FAT2: variants seen among roughly 807,000 people sequenced by gnomAD.
The protein encoded by FAT2 is protocadherin Fat 2.
In FAT2, 150 loss-of-function variants were observed where a neutral mutation model predicts 295.3. That is an observed-to-expected ratio of 0.51 (90% CI 0.44 to 0.58). FAT2 has a LOEUF of 0.58. Ranked by LOEUF, FAT2 falls within the 20% of genes least tolerant of loss-of-function variation. The probability of loss-of-function intolerance (pLI) is 0.00; values close to 1 mark genes in which losing one functional copy is unlikely to be tolerated. For synonymous variants in FAT2, 2,026 were observed against 2,150.3 expected (o/e 0.94, Z 1.60); for missense variants, 4,868 against 5,442.7 (o/e 0.89, Z 3.32).
chr5:151,562,840 C>T (rs138897540), intron 3 of FAT2, among the ~76,000 whole-genome samples: 58 of 152,316 alleles, frequency 3.8e-4, no homozygotes, highest in African/African-American at 1.3e-3. Context: ...GGCAGGTGCT[C>T]CTGAGATGGT....
At position 151,512,538 on chromosome 5, in the gene FAT2, C is replaced by A; in HGVS notation, c.11532G>T (p.Gln3844His). The change falls in exon 21 of 24, where the codon CAG (glutamine) becomes CAT (histidine). Residue 3844 changes from glutamine to histidine, a missense_variant. By Grantham distance (24) the Gln-to-His change is conservative (BLOSUM62 0). Coordinates refer to ENST00000261800, the MANE Select transcript of FAT2 (RefSeq NM_001447.3). The surrounding 1 kb of genome is among the most constrained non-coding windows in gnomAD (Gnocchi z 4.1). ...GCCACTCGTGGTCATTCACATGGCGCTGGGAGGAAAGGTTTCCATAGAAAC... is the reference window on the plus strand; with the variant it reads ...GCCACTCGTGGTCATTCACATGGCGATGGGAGGAAAGGTTTCCATAGAAAC... ...LGGFYGNLSS[Q>H]RHVNDHEWHS... is the part of the protein sequence containing the mutation. The A allele has an allele frequency of 6.2e-7, 1 of 1,614,186 alleles. No homozygotes were observed. Among genetic ancestry groups the A allele is most frequent in the African/African-American group, 1.3e-5 (1 of 75,032 alleles).
At chr5:151,532,225 G>C (rs57460659) in intron 13 of FAT2, among the ~76,000 whole-genome samples, 2,106 of 152,244 alleles carry the variant, frequency 0.014, 63 homozygotes, top group African/African-American at 0.048. Context: ...TATTATGTGG[G>C]GATTAGGGTC....
intron 3 of FAT2, 77 bp downstream of exon 3, chr5:151,563,248 A>G: frequency 7.4e-7 from 1 of 1,350,584 alleles, no homozygotes; most frequent in Non-Finnish European, 1.0e-6. Flanking sequence ...AGTAATGCTG[A>G]TGGTGCCGAT....
chr5:151,516,290 G>C (rs997978), intron 20 of FAT2, among the ~76,000 whole-genome samples: 5 of 151,980 alleles, frequency 3.3e-5, no homozygotes, highest in Non-Finnish European at 5.9e-5. Context: ...TGGGTGGATC[G>C]CTTGAGGCCA....
At position 151,568,301 on chromosome 5, in the gene FAT2, C is replaced by T. The variant is rs201835676; in HGVS notation, c.631G>A (p.Val211Ile). The change falls in exon 2 of 24, where the codon GTC becomes ATC. Residue 211 changes from valine (V) to isoleucine (I), a missense_variant. By Grantham distance (29) the Val-to-Ile change is conservative. This residue lies in a region of FAT2 where 3,297 missense variants were observed against 3,669.4 expected (regional missense o/e 0.90). Coordinates refer to ENST00000261800, the MANE Select transcript of FAT2 (RefSeq NM_001447.3). ...GVVTVAGKLN[V>I]TWRGKHELQV... ...AGCTCATGCTTTCCTCGCCAGGTGA[C>T]GTTAAGCTTCCCAGCCACAGTGACC... The T allele has an allele frequency of 5.9e-5, 96 of 1,614,156 alleles. No homozygotes were observed. The Middle Eastern group carries it at 8.2e-4, about 14-fold the overall frequency.
At chr5:151,557,066 C>G (rs1000190201) in intron 3 of FAT2, among the ~76,000 whole-genome samples, 7 of 152,286 alleles carry the variant, frequency 4.6e-5, no homozygotes, top group Admixed American at 4.6e-4. Flanking sequence ...CGGCCCACCA[C>G]GAGCAGCCTC....
chr5:151,568,072 T>C lies in FAT2; in HGVS notation c.860A>G (p.Glu287Gly). The stretch of plus-strand genomic sequence containing the variant: ...GTCACCACCAACAACTTCCACTGAC[T>C]CCACTTCAGCTCCTGAGCTATTTGC... Reference protein sequence around the residue: ...VDANSSGAEVESVEVVGGDPG... With the variant: ...VDANSSGAEVGSVEVVGGDPG... The change falls in exon 2 of 24, where the codon GAG becomes GGG. Residue 287 changes from glutamate (E) to glycine (G), a missense_variant. Glu to Gly is a moderately conservative substitution (Grantham distance 98, BLOSUM62 -2). This residue lies in a region of FAT2 where 3,297 missense variants were observed against 3,669.4 expected (regional missense o/e 0.90). Coordinates refer to ENST00000261800, the MANE Select transcript of FAT2 (RefSeq NM_001447.3). 6.2e-7 allele frequency: 1 copy of C among 1,614,180 alleles called. No individual in the cohort carries two copies.
intron 17 of FAT2, 51 bp downstream of exon 17, chr5:151,527,183 A>C: frequency 6.5e-7 from 1 of 1,538,358 alleles, no homozygotes; most frequent in Non-Finnish European, 8.8e-7. Context: ...TTCTGCTAGA[A>C]GGGAAATGAA....
intron 1 of FAT2, among the ~76,000 whole-genome samples, chr5:151,587,154 A>AACAAAAC (rs1441401224): frequency 2.8e-5 from 4 of 141,108 alleles, no homozygotes; most frequent in Non-Finnish European, 6.1e-5. Flanking sequence ...AAAAACAAAA[A>AACAAAAC]ACAAAACAAA....
intron 20 of FAT2, among the ~76,000 whole-genome samples, chr5:151,516,517 A>G (rs1226932096): frequency 6.6e-6 from 1 of 152,142 alleles, no homozygotes; most frequent in African/African-American, 2.4e-5. Context: ...CTCTGTCTCA[A>G]TAAATAAATA....
At position 151,566,830 on chromosome 5, in the gene FAT2, G is replaced by T. The variant is rs1223186241; in HGVS notation, c.2102C>A (p.Ser701Tyr). Residue 701 changes from serine to tyrosine, a missense_variant, in exon 2 of 24, where the codon TCT becomes TAT. By Grantham distance (144) the Ser-to-Tyr change is moderately radical. This residue lies in a region of FAT2 where 3,297 missense variants were observed against 3,669.4 expected (regional missense o/e 0.90). Transcript: ENST00000261800. Reference protein sequence around the residue: ...NQESSDEEFTSLSTYQINHYT... With the variant: ...NQESSDEEFTYLSTYQINHYT... ...ATGATTAATCTGATATGTGCTTAAA[G>T]AAGTGAATTCCTCATCACTGGACTC... 1 of 1,614,190 alleles carries T rather than the reference G, an allele frequency of 6.2e-7. No individual in the cohort carries two copies. The highest frequency in any genetic ancestry group is 2.2e-5 in the East Asian group (1 of 44,890).
At position 151,567,959 on chromosome 5, in the gene FAT2, A is replaced by G. The variant is rs1481003199; in HGVS notation, c.973T>C (p.Tyr325His). ...AGGCTGAGGTTGAACCCATGAAGGT[A>G]CTCCATCCAGTTGATGTCTTTGACA... ...VSVKDINWME[Y>H]LHGFNLSLQA... The change falls in exon 2 of 24, where the codon TAC (tyrosine) becomes CAC (histidine). Residue 325 changes from tyrosine (Y) to histidine (H), a missense_variant. Around this residue, in one of 5 missense-constraint regions of FAT2, gnomAD observed 3,297 missense variants for 3,669.4 expected, o/e 0.90. Transcript: ENST00000261800. The G allele has an allele frequency of 1.9e-6, 3 of 1,613,942 alleles. No homozygotes were observed. Among genetic ancestry groups the G allele is most frequent in the Non-Finnish European group, 1.7e-6 (2 of 1,180,016 alleles).
At chr5:151,589,382 G>A (rs956733502) in intron 1 of FAT2, among the ~76,000 whole-genome samples, 7 of 152,158 alleles carry the variant, frequency 4.6e-5, no homozygotes, top group Non-Finnish European at 7.3e-5. Flanking sequence ...GAGTTCAGTC[G>A]CACTTAGGTT....
rs1285485061 is a variant in FAT2, at chr5:151,563,431, C to A, written c.3468G>T (p.Val1156=). ...IQEDAPVGTS[V]LQLDAWDPDS... ...CTGGGTCCCAGGCATCCAGTTGAAG[C>A]ACAGAGGTGCCCACGGGAGCATCCT... Residue 1156 remains valine, a synonymous_variant, in exon 3 of 24, where the codon GTG becomes GTT. Coordinates refer to ENST00000261800, the MANE Select transcript of FAT2 (RefSeq NM_001447.3). The A allele has an allele frequency of 5.0e-6, 8 of 1,614,226 alleles. No homozygotes were observed. The highest frequency in any genetic ancestry group is 1.3e-5 in the African/African-American group (1 of 75,052).
At chr5:151,570,703 G>A (rs1186154467) in intron 1 of FAT2, among the ~76,000 whole-genome samples, 1 of 152,218 alleles carries the variant, frequency 6.6e-6, no homozygotes, top group East Asian at 1.9e-4. Flanking sequence ...CTTCATGGCT[G>A]CCAGCCAGAT....
Position 151,506,031 on chromosome 5 carries a change from T to A in FAT2, c.12584A>T (p.His4195Leu), listed in dbSNP as rs987500967. ...CAGAGGGCCCTGAGTCACTTCGGAG[T>A]GGGGGTATTCCCAGCGTTCGTTCCT... Reference protein sequence around the residue: ...YSRNERWEYPHSEVTQGPLPP... With the variant: ...YSRNERWEYPLSEVTQGPLPP... The change falls in exon 24 of 24, where the codon CAC (histidine) becomes CTC (leucine). Residue 4195 changes from histidine (H) to leucine (L), a missense_variant. Around this residue, in one of 5 missense-constraint regions of FAT2, gnomAD observed 492 missense variants for 482.6 expected, o/e 1.02. Coordinates refer to ENST00000261800, the MANE Select transcript of FAT2 (RefSeq NM_001447.3). The A allele has an allele frequency of 2.5e-5, 39 of 1,569,528 alleles. No individual in the cohort carries two copies. The highest frequency in any genetic ancestry group is 3.0e-5 in the Non-Finnish European group (35 of 1,162,602).
chr5:151,556,407 G>C lies in FAT2; in HGVS notation c.3575-5C>G. On this transcript the variant is annotated splice_region_variant and splice_polypyrimidine_tract_variant and intron_variant, in intron 3 of 23. Coordinates refer to ENST00000261800, the MANE Select transcript of FAT2 (RefSeq NM_001447.3). ...GCTGGGCTGTAGATAGGAGACCTGA[G>C]AGAGAGATGATAAGGGAGAGACATG... 6.2e-7 allele frequency: 1 copy of C among 1,612,262 alleles called. No homozygotes were observed. The highest frequency in any genetic ancestry group is 8.5e-7 in the Non-Finnish European group (1 of 1,178,834).
intron 22 of FAT2, among the ~76,000 whole-genome samples, chr5:151,508,151 A>G (rs1440895464): frequency 2.0e-5 from 3 of 152,208 alleles, no homozygotes; most frequent in Non-Finnish European, 4.4e-5. Context: ...GTGAAGCTCC[A>G]GGGAAACTTC....
chr5:151,510,340 CAAG>C, intron 21 of FAT2, 166 bp from the exon 22 acceptor site: 5 of 711,062 alleles, frequency 7.0e-6, no homozygotes, highest in Non-Finnish European at 1.1e-5. Flanking sequence ...CCTGCTGAAC[CAAG>C]AGCACTTTGG....
Sources: allele counts gnomAD v4.1 joint callset (sites outside exome capture counted in the v4.1 genomes callset), GRCh38; gene constraint gnomAD v4.1.1; regional missense constraint gnomAD v4.1.1; non-coding constraint Gnocchi (gnomAD v3.1); transcripts MANE v1.5; gene names NCBI Gene and HGNC (gene_info 2026-07-23, HGNC 2026-07-21).